Variants in RTN4RL1 observed in about 807,000 individuals in gnomAD.
The protein encoded by RTN4RL1 is reticulon 4 receptor like 1.
Under a neutral mutation model 25.6 loss-of-function variants are expected in RTN4RL1, and 7 were observed. The observed-to-expected ratio is 0.27, with a 90% CI of 0.16 to 0.51. RTN4RL1 has a LOEUF of 0.51. RTN4RL1 is among the 20% of genes least tolerant of loss of function. RTN4RL1 has a pLI of 0.97. For missense variants in RTN4RL1, 500 were observed against 615.6 expected (o/e 0.81, Z 1.99); for synonymous variants, 297 against 288.2 (o/e 1.03, Z -0.31).
intron 1 of RTN4RL1, among the ~76,000 whole-genome samples, chr17:2,012,444 G>C (rs938048817): frequency 6.6e-6 from 1 of 152,200 alleles, no homozygotes; most frequent in Admixed American, 6.5e-5. Context: ...CTAATGAGAC[G>C]TGCGTTTTCT....
intron 1 of RTN4RL1, among the ~76,000 whole-genome samples, chr17:1,945,698 A>G (rs79050962): frequency 0.025 from 3,866 of 152,132 alleles, 82 homozygotes; most frequent in Non-Finnish European, 0.041. Context: ...CTAATACACT[A>G]CGTGATTTCC....
At chr17:1,993,393 T>A (rs2151319882) in intron 1 of RTN4RL1, among the ~76,000 whole-genome samples, 1 of 152,344 alleles carries the variant, frequency 6.6e-6, no homozygotes, top group South Asian at 2.1e-4. Context: ...GCCCTGACAC[T>A]TCTAAGCATG....
At chr17:1,974,531 G>C (rs752862606) in intron 1 of RTN4RL1, among the ~76,000 whole-genome samples, 1 of 152,208 alleles carries the variant, frequency 6.6e-6, no homozygotes, top group Non-Finnish European at 1.5e-5. Flanking sequence ...ATTGACAAAG[G>C]TGTGGGTGGG....
intron 1 of RTN4RL1, among the ~76,000 whole-genome samples, chr17:1,999,682 A>AC (rs869231104): frequency 8.4e-6 from 1 of 119,092 alleles, no homozygotes; most frequent in Non-Finnish European, 1.8e-5. Context: ...TGCCCCCCCC[A>AC]CACACACACG....
rs201006454 is a variant in RTN4RL1, at chr17:1,962,797, G to GGTT, written c.14-24992_14-24990dup. Among the ~76,000 whole-genome samples, 969 of 149,792 alleles carry GGTT rather than the reference G, an allele frequency of 6.5e-3. 18 individuals carry two copies. The highest frequency in any genetic ancestry group is 0.022 in the African/African-American group (891 of 40,662). Reference sequence around the variant, plus strand: ...AGAATAGCTTGAACCAGGAGGCAGAGGTTGCAGTGAGCCGAGATCGCACCA... The same window carrying GGTT: ...AGAATAGCTTGAACCAGGAGGCAGAGGTTGTTGCAGTGAGCCGAGATCGCACCA... On this transcript the variant is annotated intron_variant, in intron 1 of 1. Coordinates refer to ENST00000331238, the MANE Select transcript of RTN4RL1 (RefSeq NM_178568.4).
chr17:1,986,407 G>A (rs1236897165), intron 1 of RTN4RL1, among the ~76,000 whole-genome samples: 1 of 152,082 alleles, frequency 6.6e-6, no homozygotes, highest in Non-Finnish European at 1.5e-5. Flanking sequence ...CCATATCCCT[G>A]GAGCCTGTGA....
chr17:1,936,551 GA>G lies in RTN4RL1; in HGVS notation c.1270del (p.Ser424ProfsTer43). On this transcript the variant is annotated frameshift_variant, in exon 2 of 2. Coordinates refer to ENST00000331238, the MANE Select transcript of RTN4RL1 (RefSeq NM_178568.4). LOFTEE classifies it high-confidence loss of function. Reference sequence around the variant, plus strand: ...CCAGGCCAGGAGGGAGGCCCCCAGGGAACTGGCCGAGGAGGCCTGCTGCACC... The same window carrying G: ...CCAGGCCAGGAGGGAGGCCCCCAGGGACTGGCCGAGGAGGCCTGCTGCACC... ...SGVQQASSAS[S>X]LGASLLAWTL... 1 of 1,557,572 alleles carries G rather than the reference GA, an allele frequency of 6.4e-7. No homozygotes were observed. The highest frequency in any genetic ancestry group is 8.7e-7 in the Non-Finnish European group (1 of 1,152,260).
rs764420876 is a variant in RTN4RL1, at chr17:1,936,632, C to A, written c.1190G>T (p.Arg397Leu). Residue 397 changes from arginine (R) to leucine (L), a missense_variant, in exon 2 of 2, where the codon CGG becomes CTG. Arg to Leu is a moderately radical substitution (Grantham distance 102). This residue lies in a region of RTN4RL1 where 268 missense variants were observed against 274.5 expected (regional missense o/e 0.98). Transcript: ENST00000331238. Reference sequence around the variant, plus strand: ...GGCACACTTGCCCTTCCTCTTGGGCCGGGCCGTAGGCATGATGTCAAAACT... The same window carrying A: ...GGCACACTTGCCCTTCCTCTTGGGCAGGGCCGTAGGCATGATGTCAAAACT... ...KFSFDIMPTA[R>L]PKRKGKCARR... The A allele has an allele frequency of 8.1e-6, 13 of 1,595,132 alleles. No homozygotes were observed. In the South Asian group the frequency reaches 1.5e-4, roughly 18 times the overall value.
intron 1 of RTN4RL1, among the ~76,000 whole-genome samples, chr17:1,974,207 G>C (rs569458010): frequency 2.2e-4 from 34 of 152,220 alleles, no homozygotes; most frequent in Admixed American, 1.9e-3. Flanking sequence ...AGACACAGTG[G>C]CCTGTGTCTG....
At chr17:1,980,295 T>G (rs2066861687) in intron 1 of RTN4RL1, among the ~76,000 whole-genome samples, 1 of 150,090 alleles carries the variant, frequency 6.7e-6, no homozygotes, top group African/African-American at 2.5e-5. Context: ...GGTTTGGAAC[T>G]CCTGGGCTCA....
chr17:1,939,254 G>A (rs890780312), intron 1 of RTN4RL1, among the ~76,000 whole-genome samples: 4 of 151,970 alleles, frequency 2.6e-5, no homozygotes, highest in African/African-American at 9.7e-5. Flanking sequence ...TTGGGAGGCT[G>A]AGGCAGGAGA....
At chr17:1,958,355 G>C (rs1378998890) in intron 1 of RTN4RL1, among the ~76,000 whole-genome samples, 1 of 152,202 alleles carries the variant, frequency 6.6e-6, no homozygotes, top group East Asian at 1.9e-4. Context: ...CCCCGCCAGT[G>C]CCCCACCAGG....
At chr17:1,941,980 C>T (rs1212411159) in intron 1 of RTN4RL1, among the ~76,000 whole-genome samples, 1 of 152,210 alleles carries the variant, frequency 6.6e-6, no homozygotes, top group Non-Finnish European at 1.5e-5. Context: ...AGAAGTGAGG[C>T]CCGAGCCTTG....
chr17:1,951,654 T>G (rs1915683502), intron 1 of RTN4RL1, among the ~76,000 whole-genome samples: 1 of 152,138 alleles, frequency 6.6e-6, no homozygotes, highest in Admixed American at 6.5e-5. Flanking sequence ...TTTCACCACA[T>G]GTTGGTCAGG....
intron 1 of RTN4RL1, among the ~76,000 whole-genome samples, chr17:1,967,648 CT>C (rs995450892): frequency 3.7e-4 from 55 of 147,044 alleles, no homozygotes; most frequent in Admixed American, 4.8e-4. Context: ...CTCTCTCTTT[CT>C]TTTTTTTTTT....
chr17:1,971,829 G>A (rs1383948348), intron 1 of RTN4RL1, among the ~76,000 whole-genome samples: 5 of 152,008 alleles, frequency 3.3e-5, no homozygotes, highest in Non-Finnish European at 7.4e-5. Flanking sequence ...AGGTGTGGTG[G>A]CGGGCGCCTG....
chr17:1,947,192 CTGTG>C (rs1479789400), intron 1 of RTN4RL1, among the ~76,000 whole-genome samples: 1 of 151,894 alleles, frequency 6.6e-6, no homozygotes, highest in African/African-American at 2.4e-5. Context: ...GACTGTGTGT[CTGTG>C]TGTGCACGTG....
At chr17:1,964,788 C>CTTTTTTTTTTTTTT (rs34138766) in intron 1 of RTN4RL1, among the ~76,000 whole-genome samples, 1 of 124,716 alleles carries the variant, frequency 8.0e-6, no homozygotes, top group Non-Finnish European at 1.6e-5. Flanking sequence ...CTTTTCTTTT[C>CTTTTTTTTTTTTTT]TTTTTTTTTT....
Position 2,021,966 on chromosome 17 carries a change from C to T in RTN4RL1, c.13+2887G>A, listed in dbSNP as rs549535456. 4.3e-4 allele frequency among the ~76,000 whole-genome samples: 65 copies of T among 151,170 alleles called. 1 individual carries two copies. Among genetic ancestry groups the T allele is most frequent in the African/African-American group, 1.5e-3 (60 of 41,158 alleles). On this transcript the variant is annotated intron_variant, in intron 1 of 1. Coordinates refer to ENST00000331238, the MANE Select transcript of RTN4RL1 (RefSeq NM_178568.4). ...CCCCACCTCTCAGACTCAAGTGATC[C>T]TCCCACCTCAGCCTCTCAAGTAGCT...
Sources: gnomAD v4.1 joint callset for allele counts (sites outside exome capture counted in the v4.1 genomes callset) on GRCh38, gnomAD v4.1.1 for gene constraint, gnomAD v4.1.1 regional missense constraint, MANE v1.5 for transcripts, NCBI Gene and HGNC (gene_info 2026-07-23, HGNC 2026-07-21) for gene names.